HS3ST4: variants seen among roughly 807,000 people sequenced by gnomAD.
HS3ST4 encodes heparan sulfate-glucosamine 3-sulfotransferase 4, also known as heparan sulfate glucosamine 3-O-sulfotransferase 4.
Under a neutral mutation model 29.2 loss-of-function variants are expected in HS3ST4, and 17 were observed. The ratio of observed to expected loss-of-function variants is 0.58; its 90% CI spans 0.40 to 0.87. The LOEUF (loss-of-function observed/expected upper bound fraction) is 0.87. Ranked by LOEUF, HS3ST4 falls within the 40% of genes least tolerant of loss-of-function variation. HS3ST4 has a pLI of 0.00. For synonymous variants in HS3ST4, 314 were observed against 285.7 expected, an observed-to-expected ratio of 1.10 and a Z score of -1.00; for missense variants, 627 against 634.5, an observed-to-expected ratio of 0.99 and a Z score of 0.13.
intron 1 of HS3ST4, among the ~76,000 whole-genome samples, chr16:25,785,301 A>G (rs1966856390): frequency 6.6e-6 from 1 of 152,324 alleles, no homozygotes; most frequent in East Asian, 1.9e-4. Flanking sequence ...TGGACTTCCA[A>G]GTCTTATTAT....
At chr16:26,095,009 A>C (rs1898905708) in intron 1 of HS3ST4, among the ~76,000 whole-genome samples, 1 of 152,234 alleles carries the variant, frequency 6.6e-6, no homozygotes, top group South Asian at 2.1e-4. Flanking sequence ...AGATCAAAAG[A>C]GACAAAGAAG....
At chr16:26,001,196 A>G (rs1326503700) in intron 1 of HS3ST4, among the ~76,000 whole-genome samples, 2 of 152,202 alleles carry the variant, frequency 1.3e-5, no homozygotes, top group Non-Finnish European at 2.9e-5. Context: ...ATCAATATTA[A>G]ATTCAACAAA....
chr16:25,910,289 C>T (rs1471554292), intron 1 of HS3ST4, among the ~76,000 whole-genome samples: 1 of 152,182 alleles, frequency 6.6e-6, no homozygotes, highest in East Asian at 1.9e-4. Context: ...GTCTCTGTTG[C>T]AGCTGCTCAA....
intron 1 of HS3ST4, among the ~76,000 whole-genome samples, chr16:25,956,724 C>T (rs1022371375): frequency 2.0e-5 from 3 of 151,864 alleles, no homozygotes; most frequent in Admixed American, 6.6e-5. Flanking sequence ...TTTGGCTGGG[C>T]GTGGTGGCTC....
chr16:26,120,657 C>T (rs1192281923), intron 1 of HS3ST4, among the ~76,000 whole-genome samples: 1 of 152,190 alleles, frequency 6.6e-6, no homozygotes, highest in Non-Finnish European at 1.5e-5. Flanking sequence ...ATGAATGTTT[C>T]CATGTTGACT....
rs148539066 is a variant in HS3ST4, at chr16:26,016,868, C to T, written c.735-118744C>T. On this transcript the variant is annotated intron_variant, in intron 1 of 1. Transcript: ENST00000331351. ...GGGCACTCAAGAGGACTGTATTTCT[C>T]ATATTCCTTAGAGTTAGACAGAGCC... Among the ~76,000 whole-genome samples, 474 of 152,288 alleles carry T rather than the reference C, an allele frequency of 3.1e-3. 3 individuals carry two copies. The highest frequency in any genetic ancestry group is 0.011 in the African/African-American group (445 of 41,540).
At chr16:26,021,646 C>T (rs1969414734) in intron 1 of HS3ST4, among the ~76,000 whole-genome samples, 1 of 151,926 alleles carries the variant, frequency 6.6e-6, no homozygotes, top group Admixed American at 6.6e-5. Flanking sequence ...TAAGCACTTC[C>T]AATCTAAGTT....
chr16:26,033,683 C>A (rs1389144603), intron 1 of HS3ST4, among the ~76,000 whole-genome samples: 1 of 151,964 alleles, frequency 6.6e-6, no homozygotes, highest in Non-Finnish European at 1.5e-5. Flanking sequence ...GATCACACCA[C>A]TGCGCTCCAG....
In HS3ST4 at chr16:25,949,098, G is replaced by A. The variant is rs375965593; in HGVS notation, c.735-186514G>A. On this transcript the variant is annotated intron_variant, in intron 1 of 1. Coordinates refer to ENST00000331351, the MANE Select transcript of HS3ST4 (RefSeq NM_006040.3). ...TAGTTTTCGTGGGTACATAGTAGGT[G>A]TATGTATTTATGGGGTAAAAGAGAT... Among the ~76,000 whole-genome samples the A allele has an allele frequency of 2.4e-4, 36 of 151,992 alleles. No individual in the cohort carries two copies. In the East Asian group the frequency reaches 6.2e-3, roughly 26 times the overall value.
rs565085802 is a variant in HS3ST4 at position 25,703,134 on chromosome 16, G to A, written c.734+9983G>A. ...AGATTGCACCACTGTACTCCAGCCA[G>A]CCTGGTGACAGAGCAAGAGTCTGTC... On this transcript the variant is annotated intron_variant, in intron 1 of 1. Transcript: ENST00000331351. Among the ~76,000 whole-genome samples the A allele has an allele frequency of 2.2e-4, 34 of 152,164 alleles. No homozygotes were observed. The South Asian group carries it at 3.9e-3, about 18-fold the overall frequency.
intron 1 of HS3ST4, among the ~76,000 whole-genome samples, chr16:25,876,226 T>C (rs1967831648): frequency 6.6e-6 from 1 of 152,188 alleles, no homozygotes; most frequent in Non-Finnish European, 1.5e-5. Flanking sequence ...TCTGGACTGC[T>C]ATTTCAATTA....
chr16:25,802,979 C>T (rs969706037), intron 1 of HS3ST4, among the ~76,000 whole-genome samples: 14 of 150,270 alleles, frequency 9.3e-5, no homozygotes, highest in African/African-American at 2.9e-4. Flanking sequence ...ATTTCTTTCT[C>T]TGTTTCTTTT....
At chr16:25,799,527 C>T (rs1318213242) in intron 1 of HS3ST4, among the ~76,000 whole-genome samples, 1 of 152,000 alleles carries the variant, frequency 6.6e-6, no homozygotes, top group Non-Finnish European at 1.5e-5. Context: ...CTCTGTGAAC[C>T]ATCATCAACA....
At chr16:25,884,866 C>T (rs755809382) in intron 1 of HS3ST4, among the ~76,000 whole-genome samples, 31 of 152,126 alleles carry the variant, frequency 2.0e-4, no homozygotes, top group East Asian at 3.9e-4. Flanking sequence ...TCAACCACTG[C>T]GCCCGGCCGA....
At chr16:25,997,299 A>G (rs1969166420) in intron 1 of HS3ST4, among the ~76,000 whole-genome samples, 1 of 152,218 alleles carries the variant, frequency 6.6e-6, no homozygotes. Flanking sequence ...GAGTTTAAAG[A>G]GAGCTGTCAG....
chr16:26,040,097 A>AT (rs762527418), intron 1 of HS3ST4, among the ~76,000 whole-genome samples: 5 of 152,170 alleles, frequency 3.3e-5, no homozygotes, highest in East Asian at 3.9e-4. Flanking sequence ...AACGCACAAT[A>AT]TTTCCAGTGT....
At chr16:25,838,899 C>A (rs1008187339) in intron 1 of HS3ST4, among the ~76,000 whole-genome samples, 1 of 152,174 alleles carries the variant, frequency 6.6e-6, no homozygotes, top group Non-Finnish European at 1.5e-5. Context: ...TTTGCCTTCC[C>A]TGCCACTAGG....
At chr16:25,812,703 CTT>C (rs11382075) in intron 1 of HS3ST4, among the ~76,000 whole-genome samples, 3 of 146,582 alleles carry the variant, frequency 2.0e-5, no homozygotes. Context: ...AAAGTACTTC[CTT>C]TTTTTTTTTT....
At chr16:25,787,192 TG>T (rs1966858966) in intron 1 of HS3ST4, among the ~76,000 whole-genome samples, 1 of 152,216 alleles carries the variant, frequency 6.6e-6, no homozygotes, top group Non-Finnish European at 1.5e-5. Flanking sequence ...AAGGCTTCTG[TG>T]CCTGATCTCT....
Sources: allele counts gnomAD v4.1 joint callset (sites outside exome capture counted in the v4.1 genomes callset), GRCh38; gene constraint gnomAD v4.1.1; transcripts MANE v1.5; gene names NCBI Gene and HGNC (gene_info 2026-07-23, HGNC 2026-07-21).